ITPR2: variants seen among roughly 807,000 people sequenced by gnomAD.
The protein encoded by ITPR2 is inositol 1,4,5-trisphosphate receptor type 2, also known as inositol 1,4,5-trisphosphate-gated calcium channel ITPR2.
In ITPR2, 207 loss-of-function variants were observed where a neutral mutation model predicts 317.1. The ratio of observed to expected loss-of-function variants is 0.65; its 90% CI spans 0.58 to 0.73. The LOEUF is 0.73. ITPR2 is among the 30% of genes least tolerant of loss of function. The probability of loss-of-function intolerance (pLI) is 0.00; values close to 1 mark genes in which losing one functional copy is unlikely to be tolerated. For synonymous variants in ITPR2, 1,156 were observed against 1,149.1 expected, an observed-to-expected ratio of 1.01 and a Z score of -0.12; for missense variants, 2,613 against 3,284.0, an observed-to-expected ratio of 0.80 and a Z score of 4.99.
intron 55 of ITPR2, 115 bp from the exon 56 acceptor site, chr12:26,340,443 A>C: frequency 2.7e-6 from 3 of 1,108,828 alleles, no homozygotes; most frequent in Non-Finnish European, 3.6e-6. Context: ...CAAATTGGAG[A>C]GAGAAAACCT....
intron 2 of ITPR2, among the ~76,000 whole-genome samples, chr12:26,756,579 G>T (rs1022937288): frequency 3.9e-5 from 6 of 152,174 alleles, no homozygotes; most frequent in African/African-American, 1.4e-4. Context: ...TAATCTTCCA[G>T]ATATTGCCTC....
At chr12:26,810,946 A>T (rs1240153321) in intron 1 of ITPR2, among the ~76,000 whole-genome samples, 1 of 150,866 alleles carries the variant, frequency 6.6e-6, no homozygotes, top group Non-Finnish European at 1.5e-5. Context: ...CATTACAGGC[A>T]TGAGCCACCA....
In ITPR2 at chr12:26,757,845, T is replaced by C. The variant is rs77136822; in HGVS notation, c.164-32080A>G. 3.7e-3 allele frequency among the ~76,000 whole-genome samples: 563 copies of C among 152,372 alleles called. 1 individual carries two copies. The highest frequency in any genetic ancestry group is 6.2e-3 in the Non-Finnish European group (424 of 68,036). On this transcript the variant is annotated intron_variant, in intron 2 of 56. Transcript: ENST00000381340. ...TGGACTCTCAGGAAATATCCCATAC[T>C]GTGATAGTGCTTTAGGCAGAGTCCT... is the stretch of plus-strand genomic sequence containing the variant.
chr12:26,682,534 G>A, intron 12 of ITPR2, 40 bp downstream of exon 12: 1 of 1,249,870 alleles, frequency 8.0e-7, no homozygotes, highest in Non-Finnish European at 1.2e-6. Context: ...TATTCTCATG[G>A]CATTTGGCTG....
chr12:26,533,508 T>C (rs1321541750), intron 37 of ITPR2, among the ~76,000 whole-genome samples: 1 of 152,244 alleles, frequency 6.6e-6, no homozygotes, highest in Non-Finnish European at 1.5e-5. Context: ...AAGACTTAGA[T>C]ATGTTATGGG....
chr12:26,531,654 T>TACACACAC (rs144906868), intron 37 of ITPR2, among the ~76,000 whole-genome samples: 3 of 138,674 alleles, frequency 2.2e-5, no homozygotes, highest in Non-Finnish European at 4.9e-5. Flanking sequence ...TTACTGTATT[T>TACACACAC]ACACACACAC....
At chr12:26,809,143 AT>A (rs1287881410) in intron 1 of ITPR2, among the ~76,000 whole-genome samples, 1 of 152,190 alleles carries the variant, frequency 6.6e-6, no homozygotes, top group Non-Finnish European at 1.5e-5. Context: ...TACTGATCAG[AT>A]TCCTCTCTGG....
intron 32 of ITPR2, among the ~76,000 whole-genome samples, chr12:26,589,820 ATAAAT>A (rs1945645923): frequency 2.6e-5 from 1 of 38,748 alleles, no homozygotes; most frequent in African/African-American, 7.3e-5. Flanking sequence ...AAATAAATAA[ATAAAT>A]AAATAAACAT....
intron 1 of ITPR2, among the ~76,000 whole-genome samples, chr12:26,822,302 T>C (rs2137295216): frequency 6.6e-6 from 1 of 152,300 alleles, no homozygotes; most frequent in East Asian, 1.9e-4. Flanking sequence ...GAATTCAGAT[T>C]ATGCATTGTT....
At chr12:26,420,374 T>C (rs1940852331) in intron 49 of ITPR2, among the ~76,000 whole-genome samples, 1 of 152,196 alleles carries the variant, frequency 6.6e-6, no homozygotes, top group Non-Finnish European at 1.5e-5. Flanking sequence ...TTGTTCAATA[T>C]ATATTAACAA....
At chr12:26,496,316 G>A (rs947082986) in intron 37 of ITPR2, among the ~76,000 whole-genome samples, 14 of 152,126 alleles carry the variant, frequency 9.2e-5, no homozygotes, top group South Asian at 2.1e-4. Flanking sequence ...TTCATGTCCC[G>A]CTGCACCCAA....
At chr12:26,523,536 T>TAAAA (rs56371802) in intron 37 of ITPR2, among the ~76,000 whole-genome samples, 5 of 150,764 alleles carry the variant, frequency 3.3e-5, no homozygotes, top group Admixed American at 1.3e-4. Context: ...TTTTTTTTTT[T>TAAAA]AAAAAGCCTA....
chr12:26,707,054 T>C (rs1053728839), intron 9 of ITPR2, among the ~76,000 whole-genome samples: 9 of 152,198 alleles, frequency 5.9e-5, no homozygotes, highest in African/African-American at 1.9e-4. Context: ...ATTCTCTCAC[T>C]GGAATATGAC....
chr12:26,807,463 C>T (rs1044675486), intron 1 of ITPR2, among the ~76,000 whole-genome samples: 6 of 152,172 alleles, frequency 3.9e-5, no homozygotes, highest in African/African-American at 1.4e-4. Flanking sequence ...CAATGTCCTG[C>T]TGCAGGCATC....
intron 45 of ITPR2, among the ~76,000 whole-genome samples, chr12:26,444,264 T>C (rs918941675): frequency 4.6e-5 from 7 of 152,156 alleles, no homozygotes; most frequent in Non-Finnish European, 5.9e-5. Flanking sequence ...TCTCTCCCAT[T>C]TGAATGTCTA....
intron 32 of ITPR2, among the ~76,000 whole-genome samples, chr12:26,583,322 T>C (rs1426746398): frequency 6.6e-6 from 1 of 152,320 alleles, no homozygotes; most frequent in East Asian, 1.9e-4. Context: ...TAAACCATTT[T>C]CCAAAAACCT....
At chr12:26,433,592 A>G (rs181772471) in intron 48 of ITPR2, among the ~76,000 whole-genome samples, 108 of 151,970 alleles carry the variant, frequency 7.1e-4, no homozygotes, top group African/African-American at 2.5e-3. Context: ...GGAGTGCCGC[A>G]CTGTTAAATA....
chr12:26,424,789 C>T (rs933890870), intron 49 of ITPR2, among the ~76,000 whole-genome samples: 2 of 150,748 alleles, frequency 1.3e-5, no homozygotes, highest in African/African-American at 4.9e-5. Flanking sequence ...AAACAGAATC[C>T]CATTTTGTCA....
chr12:26,543,452 T>C (rs1347259470), intron 37 of ITPR2, among the ~76,000 whole-genome samples: 1 of 150,364 alleles, frequency 6.7e-6, no homozygotes, highest in Non-Finnish European at 1.5e-5. Flanking sequence ...GAAATAAGAG[T>C]AGAACAAAAT....
Sources: gnomAD v4.1 joint callset for allele counts (sites outside exome capture counted in the v4.1 genomes callset) on GRCh38, gnomAD v4.1.1 for gene constraint, MANE v1.5 for transcripts, NCBI Gene and HGNC (gene_info 2026-07-23, HGNC 2026-07-21) for gene names.